MTCL1: variants seen among roughly 807,000 people sequenced by gnomAD.
MTCL1 encodes microtubule crosslinking factor 1, also known as microtubule cross-linking factor 1.
In MTCL1, 79 loss-of-function variants were observed where a neutral mutation model predicts 141.4. The ratio of observed to expected loss-of-function variants is 0.56; its 90% CI spans 0.47 to 0.67. MTCL1 has a LOEUF of 0.67. Ranked by LOEUF, MTCL1 falls within the 30% of genes least tolerant of loss-of-function variation. The pLI, the probability that MTCL1 is intolerant of heterozygous loss-of-function variation, is 0.00. For missense variants in MTCL1, 2,177 were observed against 2,113.9 expected (o/e 1.03, Z -0.59); for synonymous variants, 914 against 875.8 (o/e 1.04, Z -0.77).
chr18:8,785,418 AG>A (rs1204293239), intron 6 of MTCL1, among the ~76,000 whole-genome samples: 1 of 152,126 alleles, frequency 6.6e-6, no homozygotes, highest in Non-Finnish European at 1.5e-5. Context: ...TTGGTGGAAA[AG>A]CTCTGCTGGC....
At position 8,828,764 on chromosome 18, in the gene MTCL1, GTC is replaced by G. The variant is rs2077103538; in HGVS notation, c.4723-139_4723-138del. 7.3e-7 allele frequency: 1 copy of G among 1,375,422 alleles called. No homozygotes were observed. The highest frequency in any genetic ancestry group is 9.8e-7 in the Non-Finnish European group (1 of 1,019,252). The allele number at this position is 1,375,422 out of a possible 1,614,324, so 85.2% of individuals were successfully genotyped here. A position where few individuals can be genotyped will look rare whatever the true frequency, so the allele number is the denominator to read the frequency against. On this transcript the variant is annotated intron_variant, in intron 15 of 16. Coordinates refer to ENST00000359865, the Ensembl canonical transcript of MTCL1. This position sits in a 1 kb window ranked among gnomAD's most constrained non-coding sequence, Gnocchi z 5.2. Reference sequence around the variant, plus strand: ...ATGTGCTAGATCTGAGAGCCCGCAAGTCTCTCCTGGTGGCTACCCCTGAGCGA... The same window carrying G: ...ATGTGCTAGATCTGAGAGCCCGCAAGTCTCCTGGTGGCTACCCCTGAGCGA...
intron 4 of MTCL1, among the ~76,000 whole-genome samples, chr18:8,765,991 G>A (rs1308281111): frequency 6.6e-6 from 1 of 152,176 alleles, no homozygotes; most frequent in Non-Finnish European, 1.5e-5. Context: ...ACACAATGCT[G>A]CCACAAGTCT....
chr18:8,794,094 T>G (rs16954178), intron 8 of MTCL1, among the ~76,000 whole-genome samples: 12,947 of 152,294 alleles, frequency 0.085, 790 homozygotes, highest in East Asian at 0.23. Context: ...GTGTTTCATT[T>G]AGGGGTCAAG....
At position 8,830,928 on chromosome 18, in the gene MTCL1, C is replaced by T; in HGVS notation, c.*19-679C>T. ...CACCTGCTCGCAGAACATTAGGATG[C>T]CTGAAACACAAAACCACCAGTACAT... On this transcript the variant is annotated intron_variant, in intron 16 of 16. Transcript: ENST00000359865. The surrounding 1 kb of genome is among the most constrained non-coding windows in gnomAD (Gnocchi z 6.4). The T allele has an allele frequency of 2.0e-6, 2 of 985,498 alleles. No individual in the cohort carries two copies. The highest frequency in any genetic ancestry group is 2.4e-6 in the Non-Finnish European group (2 of 830,004). 61.0% of individuals were successfully genotyped at this position (985,498 alleles called of 1,614,324 possible).
chr18:8,712,315 A>C (rs895801285), intron 1 of MTCL1, among the ~76,000 whole-genome samples: 2 of 152,236 alleles, frequency 1.3e-5, no homozygotes, highest in African/African-American at 4.8e-5. Flanking sequence ...TATAGGTTGC[A>C]GTGTCTCACT....
chr18:8,815,336 ATT>A (rs2076616519), intron 12 of MTCL1, among the ~76,000 whole-genome samples: 1 of 151,968 alleles, frequency 6.6e-6, no homozygotes, highest in South Asian at 2.1e-4. Flanking sequence ...CATGGATGAA[ATT>A]GGAAATCATC....
At chr18:8,811,682 TC>T (rs1366438921) in intron 11 of MTCL1, among the ~76,000 whole-genome samples, 1 of 152,164 alleles carries the variant, frequency 6.6e-6, no homozygotes, top group Non-Finnish European at 1.5e-5. Context: ...ACTTACCATG[TC>T]CCTTAGGCAA....
At chr18:8,798,394 C>A in intron 10 of MTCL1, 103 bp downstream of exon 9, 1 of 1,016,950 alleles carries the variant, frequency 9.8e-7, no homozygotes, top group Non-Finnish European at 1.3e-6. Flanking sequence ...ATTCAGGTAG[C>A]AGAAAATTCC....
At chr18:8,757,618 G>T (rs1427726630) in intron 4 of MTCL1, among the ~76,000 whole-genome samples, 1 of 152,238 alleles carries the variant, frequency 6.6e-6, no homozygotes, top group Admixed American at 6.5e-5. Context: ...ACAGGAAGGG[G>T]CGTGTGTGCA....
intron 4 of MTCL1, among the ~76,000 whole-genome samples, chr18:8,745,098 T>C (rs76003178): frequency 0.011 from 1,611 of 152,346 alleles, 34 homozygotes; most frequent in African/African-American, 0.037. Flanking sequence ...AGATTTTCAG[T>C]TATAAGTAAA....
intron 4 of MTCL1, among the ~76,000 whole-genome samples, chr18:8,746,460 CAG>C (rs1210044458): frequency 6.6e-6 from 1 of 152,230 alleles, no homozygotes; most frequent in African/African-American, 2.4e-5. Context: ...GCTACTTAAA[CAG>C]GGGCTGTCAC....
intron 4 of MTCL1, among the ~76,000 whole-genome samples, chr18:8,745,086 G>A (rs1257327326): frequency 2.0e-5 from 3 of 152,106 alleles, no homozygotes; most frequent in Non-Finnish European, 4.4e-5. Flanking sequence ...TTTGGGAATT[G>A]GAGATTTTCA....
chr18:8,825,461 G>A (rs762307438), exon 15 of MTCL1: 3 of 1,597,838 alleles, frequency 1.9e-6, no homozygotes, highest in Non-Finnish European at 2.6e-6. Flanking sequence ...CCCGGACGAT[G>A]GGGACCCAGA....
chr18:8,808,526 G>A (rs924807027), intron 11 of MTCL1, among the ~76,000 whole-genome samples: 6 of 152,166 alleles, frequency 3.9e-5, no homozygotes, highest in East Asian at 1.9e-4. Flanking sequence ...GTGGTAATAG[G>A]TAGAGAGTTT....
upstream of MTCL1, among the ~76,000 whole-genome samples, chr18:8,713,737 G>T (rs970953738): frequency 7.9e-5 from 12 of 152,186 alleles, no homozygotes; most frequent in African/African-American, 2.7e-4. Context: ...ACCAATAATG[G>T]TGGAAAGCCA....
intron 4 of MTCL1, among the ~76,000 whole-genome samples, chr18:8,728,836 G>A (rs2111839): frequency 1.4e-5 from 2 of 140,250 alleles, no homozygotes; most frequent in Non-Finnish European, 3.0e-5. Context: ...CCGAGTTCAA[G>A]CGATTCTCCT....
chr18:8,762,346 C>CTCAGCA (rs2096436628), intron 4 of MTCL1, among the ~76,000 whole-genome samples: 1 of 152,248 alleles, frequency 6.6e-6, no homozygotes, highest in South Asian at 2.1e-4. Flanking sequence ...CAATACAGAA[C>CTCAGCA]TCAGCATCAG....
chr18:8,750,674 A>G (rs911255014), intron 4 of MTCL1, among the ~76,000 whole-genome samples: 1 of 152,232 alleles, frequency 6.6e-6, no homozygotes, highest in Non-Finnish European at 1.5e-5. Context: ...CTGCCCTGCA[A>G]CGGTCTTGAG....
intron 4 of MTCL1, among the ~76,000 whole-genome samples, chr18:8,722,332 G>C (rs1403104268): frequency 6.6e-6 from 1 of 152,172 alleles, no homozygotes; most frequent in Non-Finnish European, 1.5e-5. Flanking sequence ...GCTGAGGCGG[G>C]AGGATTGCTT....
Sources: gnomAD v4.1 joint callset for allele counts (sites outside exome capture counted in the v4.1 genomes callset) on GRCh38, gnomAD v4.1.1 for gene constraint, Gnocchi (gnomAD v3.1) non-coding constraint, MANE v1.5 for transcripts, NCBI Gene and HGNC (gene_info 2026-07-23, HGNC 2026-07-21) for gene names.